FHDC1: variants seen among roughly 807,000 people sequenced by gnomAD.
FHDC1 encodes FH2 domain containing 1, also known as FH2 domain-containing protein 1.
FHDC1 carries 25 observed loss-of-function variants against 52.6 expected under a neutral mutation model. The observed-to-expected ratio is 0.48, with a 90% confidence interval of 0.35 to 0.66. The LOEUF (loss-of-function observed/expected upper bound fraction) is 0.66. FHDC1 is among the 30% of genes least tolerant of loss of function. FHDC1 has a pLI of 0.01. For missense variants in FHDC1, 1,459 were observed against 1,452.8 expected, an observed-to-expected ratio of 1.00 and a Z score of -0.07; for synonymous variants, 616 against 581.5, an observed-to-expected ratio of 1.06 and a Z score of -0.85.
intron 1 of FHDC1, among the ~76,000 whole-genome samples, chr4:152,937,222 G>A (rs78243006): frequency 0.022 from 3,308 of 152,282 alleles, 55 homozygotes; most frequent in Non-Finnish European, 0.036. Context: ...TTTCCCCCGC[G>A]CCTGCGACCT....
chr4:152,922,378 C>A, the FHDC1 span, among the ~76,000 whole-genome samples: 2 of 152,106 alleles, frequency 1.3e-5, no homozygotes, highest in South Asian at 2.1e-4. Flanking sequence ...GCTTACCAAC[C>A]AAAAAGAGTC....
upstream of FHDC1, among the ~76,000 whole-genome samples, chr4:152,932,654 C>T (rs1353747240): frequency 6.6e-6 from 1 of 152,148 alleles, no homozygotes; most frequent in Non-Finnish European, 1.5e-5. Context: ...TACTGAACAA[C>T]TGATCTAATC....
At chr4:152,964,595 A>G (rs2149954749) in intron 8 of FHDC1, among the ~76,000 whole-genome samples, 1 of 152,308 alleles carries the variant, frequency 6.6e-6, no homozygotes. Flanking sequence ...GCTCACAGGT[A>G]TGGGTGGTAT....
At chr4:152,965,184 A>T (rs565125718) in intron 9 of FHDC1, among the ~76,000 whole-genome samples, 1 of 152,354 alleles carries the variant, frequency 6.6e-6, no homozygotes, top group African/African-American at 2.4e-5. Flanking sequence ...AACTAAAGAA[A>T]CTATTTCAGT....
At chr4:152,915,362 G>A in the FHDC1 span, among the ~76,000 whole-genome samples, 78 of 152,238 alleles carry the variant, frequency 5.1e-4, no homozygotes, top group African/African-American at 1.8e-3. Flanking sequence ...AATTCCTCCC[G>A]CATCGGCTTC....
chr4:152,974,360 CTGGAAAGCTGGAAGT>C (rs1449016005), intron 11 of FHDC1, among the ~76,000 whole-genome samples: 14 of 150,336 alleles, frequency 9.3e-5, no homozygotes, highest in East Asian at 3.9e-4. Flanking sequence ...AGTGCCTTGG[CTGGAAAGCTGGAAGT>C]TGGGCCCAAG....
chr4:152,951,605 A>T (rs1561205991), intron 2 of FHDC1, among the ~76,000 whole-genome samples: 1 of 144,418 alleles, frequency 6.9e-6, no homozygotes, highest in East Asian at 2.0e-4. Flanking sequence ...GTTGGTTAAC[A>T]GTCTCGCTGC....
In FHDC1 at chr4:152,975,488, G is replaced by C. The variant is rs768882676; in HGVS notation, c.2197G>C (p.Gly733Arg). The change falls in exon 12 of 12, where the codon GGG becomes CGG. Residue 733 changes from glycine to arginine, a missense_variant. Physicochemically the swap from Gly to Arg is moderately radical, Grantham distance 125 (BLOSUM62 -2). This residue lies in a region of FHDC1 where 939 missense variants were observed against 854.5 expected (regional missense o/e 1.10). Coordinates refer to ENST00000511601, the MANE Select transcript of FHDC1 (RefSeq NM_001371116.1). ...SLTPMGRDAL[G>R]SLSPALEDGK... ...GACACCCATGGGCAGAGATGCCCTG[G>C]GGAGTCTCAGCCCAGCGCTGGAGGA... 1.2e-6 allele frequency: 2 copies of C among 1,613,264 alleles called. No individual in the cohort carries two copies. Among genetic ancestry groups the C allele is most frequent in the East Asian group, 4.5e-5 (2 of 44,890 alleles).
chr4:152,957,676 A>C (rs1048702687), intron 4 of FHDC1, among the ~76,000 whole-genome samples: 1 of 152,200 alleles, frequency 6.6e-6, no homozygotes, highest in African/African-American at 2.4e-5. Flanking sequence ...TCTTATCAGC[A>C]TGCTGAAAGA....
At chr4:152,914,255 G>C in the FHDC1 span, among the ~76,000 whole-genome samples, 1 of 152,072 alleles carries the variant, frequency 6.6e-6, no homozygotes, top group African/African-American at 2.4e-5. Context: ...CCACTTGAAG[G>C]TTTCCTGTTC....
chr4:152,941,166 A>T (rs1210643920), intron 1 of FHDC1, among the ~76,000 whole-genome samples: 3 of 152,348 alleles, frequency 2.0e-5, no homozygotes, highest in Middle Eastern at 3.4e-3. Flanking sequence ...CAGTTTTCAG[A>T]ACTCTAATAT....
At chr4:152,921,572 TCCTTCCTTCCTTCCTC>T in the FHDC1 span, among the ~76,000 whole-genome samples, 15 of 139,874 alleles carry the variant, frequency 1.1e-4, no homozygotes, top group African/African-American at 3.6e-4. Flanking sequence ...CTTCCTTCCT[TCCTTCCTTCCTTCCTC>T]CCTCCCTCCC....
At position 152,965,609 on chromosome 4, in the gene FHDC1, C is replaced by T. The variant is rs1740433040; in HGVS notation, c.1100+634C>T. Reference sequence around the variant, plus strand: ...TATATGTGTTTTAAAATTTATATTACATCCACACATCCCACGGTAAATGTT... The same window carrying T: ...TATATGTGTTTTAAAATTTATATTATATCCACACATCCCACGGTAAATGTT... On this transcript the variant is annotated intron_variant, in intron 9 of 11. Transcript: ENST00000511601. 2.6e-5 allele frequency among the ~76,000 whole-genome samples: 4 copies of T among 152,170 alleles called. 1 individual carries two copies. The South Asian group carries it at 8.3e-4, about 32-fold the overall frequency.
intron 2 of FHDC1, among the ~76,000 whole-genome samples, chr4:152,951,621 A>C (rs908529): frequency 1.3e-5 from 2 of 152,210 alleles, no homozygotes; most frequent in East Asian, 3.8e-4. Context: ...GCTGCTGGTT[A>C]TCAACTCAGA....
the FHDC1 span, among the ~76,000 whole-genome samples, chr4:152,918,915 A>G: frequency 7.1e-4 from 108 of 152,348 alleles, no homozygotes; most frequent in Non-Finnish European, 1.1e-3. Flanking sequence ...CAGCTTACCC[A>G]CGTTGACTTT....
At chr4:152,918,566 A>C in the FHDC1 span, 4 of 152,250 alleles carry the variant, frequency 2.6e-5, no homozygotes, top group African/African-American at 9.6e-5. Context: ...TCAAAGCCAC[A>C]TGCTTCAATT....
chr4:152,937,513 G>C (rs1739424412), intron 1 of FHDC1, among the ~76,000 whole-genome samples: 1 of 151,994 alleles, frequency 6.6e-6, no homozygotes. Context: ...CCAACTGGAG[G>C]GGCCGGGAAT....
chr4:152,942,913 A>G lies in FHDC1; in HGVS notation c.-130-15A>G. 1 of 828,334 alleles carries G rather than the reference A, an allele frequency of 1.2e-6. No individual in the cohort carries two copies. Among genetic ancestry groups the G allele is most frequent in the South Asian group, 1.9e-5 (1 of 52,780 alleles). The allele number at this position is 828,334 out of a possible 1,614,324, so 51.3% of individuals were successfully genotyped here. On this transcript the variant is annotated splice_polypyrimidine_tract_variant and intron_variant, in intron 1 of 11. Coordinates refer to ENST00000511601, the MANE Select transcript of FHDC1 (RefSeq NM_001371116.1). ...TTTGTCTGTAACTGATTTGATATTT[A>G]TTTTATCTTGCTAGGTTTGGAAGAG...
intron 10 of FHDC1, among the ~76,000 whole-genome samples, chr4:152,971,223 G>T (rs182519225): frequency 6.6e-6 from 1 of 152,146 alleles, no homozygotes; most frequent in Non-Finnish European, 1.5e-5. Context: ...GGGTGTAGTG[G>T]TGCATAGCTA....
Sources: allele counts gnomAD v4.1 joint callset (sites outside exome capture counted in the v4.1 genomes callset), GRCh38; gene constraint gnomAD v4.1.1; regional missense constraint gnomAD v4.1.1; transcripts MANE v1.5; gene names NCBI Gene and HGNC (gene_info 2026-07-23, HGNC 2026-07-21).